The following ATP13A4 variants were observed in gnomAD, a reference collection of about 807,000 sequenced individuals.
ATP13A4 encodes probable cation-transporting ATPase 13A4.
Under a neutral mutation model 142.5 loss-of-function variants are expected in ATP13A4, and 114 were observed. That is an observed-to-expected ratio of 0.80 (90% CI 0.69 to 0.93). The LOEUF (loss-of-function observed/expected upper bound fraction) is 0.93. Ranked by LOEUF, ATP13A4 falls within the 40% of genes least tolerant of loss-of-function variation. ATP13A4 has a pLI of 0.00. For synonymous variants in ATP13A4, 488 were observed against 514.8 expected, an observed-to-expected ratio of 0.95 and a Z score of 0.70; for missense variants, 1,392 against 1,454.0, an observed-to-expected ratio of 0.96 and a Z score of 0.69.
At chr3:193,581,249 A>G (rs948666727) in intron 2 of ATP13A4, among the ~76,000 whole-genome samples, 1 of 152,224 alleles carries the variant, frequency 6.6e-6, no homozygotes, top group African/African-American at 2.4e-5. Context: ...GTTATTCACA[A>G]TGTAAAACCA....
At chr3:193,550,961 G>A (rs1250124274) in intron 1 of ATP13A4, among the ~76,000 whole-genome samples, 1 of 152,104 alleles carries the variant, frequency 6.6e-6, no homozygotes, top group African/African-American at 2.4e-5. Flanking sequence ...AAAACGTCAG[G>A]ACTCAAAGAG....
intron 2 of ATP13A4, among the ~76,000 whole-genome samples, chr3:193,574,934 C>G (rs1724361655): frequency 6.6e-6 from 1 of 152,138 alleles, no homozygotes; most frequent in South Asian, 2.1e-4. Flanking sequence ...AATCTGGAAG[C>G]CTCTGTGACT....
chr3:193,411,839 C>T lies in ATP13A4; in HGVS notation c.3208+339G>A, dbSNP rs548874707. The stretch of plus-strand genomic sequence containing the variant: ...GACAGGATCCACTTGAGTTCTGTTA[C>T]GCTTCTCTCCACTGTTTCCAGGGTG... On this transcript the variant is annotated intron_variant, in intron 27 of 29. Coordinates refer to ENST00000342695, the MANE Select transcript of ATP13A4 (RefSeq NM_032279.4). Among the ~76,000 whole-genome samples the T allele has an allele frequency of 1.1e-4, 16 of 152,320 alleles. No individual in the cohort carries two copies. The South Asian group carries it at 1.2e-3, about 12-fold the overall frequency.
At position 193,484,815 on chromosome 3, in the gene ATP13A4, C is replaced by G. The variant is rs527397379; in HGVS notation, c.739-810G>C. Among the ~76,000 whole-genome samples, 21 of 152,054 alleles carry G rather than the reference C, an allele frequency of 1.4e-4. No homozygotes were observed. In the South Asian group the frequency reaches 4.4e-3, roughly 32 times the overall value. On this transcript the variant is annotated intron_variant, in intron 7 of 29. Transcript: ENST00000342695. ...TTCTTAACACCAAGAAATTTACAGC[C>G]TGCTGAGAAAAGTAGGTTTTAATCA...
intron 1 of ATP13A4, among the ~76,000 whole-genome samples, chr3:193,539,464 T>C (rs1263079750): frequency 6.6e-6 from 1 of 152,228 alleles, no homozygotes; most frequent in African/African-American, 2.4e-5. Flanking sequence ...ACAAGAGGGT[T>C]TGAGACAGGA....
chr3:193,418,624 T>C (rs1466915473), intron 25 of ATP13A4, among the ~76,000 whole-genome samples: 1 of 149,466 alleles, frequency 6.7e-6, no homozygotes, highest in African/African-American at 2.5e-5. Flanking sequence ...GGGGAAAAGG[T>C]AAGCAAGAGG....
chr3:193,512,931 C>T (rs917960844), intron 2 of ATP13A4, among the ~76,000 whole-genome samples: 4 of 152,194 alleles, frequency 2.6e-5, no homozygotes, highest in Non-Finnish European at 2.9e-5. Context: ...AAGGATGACA[C>T]GAGGCATCAA....
chr3:193,508,667 T>C (rs912470155), intron 2 of ATP13A4, among the ~76,000 whole-genome samples: 1 of 151,978 alleles, frequency 6.6e-6, no homozygotes. Flanking sequence ...AGATTTGTGG[T>C]GAGATGTCTA....
At chr3:193,444,387 A>G (rs1003595951) in intron 18 of ATP13A4, among the ~76,000 whole-genome samples, 1 of 152,240 alleles carries the variant, frequency 6.6e-6, no homozygotes, top group Admixed American at 6.5e-5. Flanking sequence ...GATGAATGAA[A>G]ATTGAAGATA....
chr3:193,406,659 G>C (rs1248778899), intron 29 of ATP13A4, among the ~76,000 whole-genome samples: 1 of 152,210 alleles, frequency 6.6e-6, no homozygotes, highest in Non-Finnish European at 1.5e-5. Flanking sequence ...ATGGAAGCTG[G>C]AGAATGAAAG....
In ATP13A4 at chr3:193,465,139, G is replaced by A; in HGVS notation, c.1273-11C>T. ...CTCCTCTGGAGGTTCCTGGACGACA[G>A]TCATTCTTTAATTATTACAGACAAA... On this transcript the variant is annotated splice_polypyrimidine_tract_variant and intron_variant, in intron 11 of 29. Coordinates refer to ENST00000342695, the MANE Select transcript of ATP13A4 (RefSeq NM_032279.4). The A allele has an allele frequency of 6.2e-7, 1 of 1,613,016 alleles. No individual in the cohort carries two copies. Among genetic ancestry groups the A allele is most frequent in the Non-Finnish European group, 8.5e-7 (1 of 1,179,546 alleles).
At chr3:193,583,424 C>G (rs1310444186) in intron 1 of ATP13A4, among the ~76,000 whole-genome samples, 1 of 151,664 alleles carries the variant, frequency 6.6e-6, no homozygotes, top group African/African-American at 2.4e-5. Flanking sequence ...CAGACTCCAT[C>G]TCGAAAAACA....
intron 1 of ATP13A4, among the ~76,000 whole-genome samples, chr3:193,542,839 TAA>T (rs1365212418): frequency 6.6e-6 from 1 of 152,186 alleles, no homozygotes; most frequent in Admixed American, 6.5e-5. Flanking sequence ...CAATATGGAT[TAA>T]AGTCTTAAAT....
intron 25 of ATP13A4, among the ~76,000 whole-genome samples, chr3:193,431,637 T>C (rs1316210825): frequency 6.6e-6 from 1 of 151,600 alleles, no homozygotes; most frequent in Non-Finnish European, 1.5e-5. Flanking sequence ...GTTTACTATA[T>C]ATAAATATGC....
chr3:193,560,279 G>T (rs913110289), intron 2 of ATP13A4, among the ~76,000 whole-genome samples: 2 of 151,812 alleles, frequency 1.3e-5, no homozygotes, highest in Non-Finnish European at 2.9e-5. Flanking sequence ...TGCAATCATG[G>T]TTCACTGCAC....
chr3:193,465,765 T>C (rs1404684398), intron 11 of ATP13A4, among the ~76,000 whole-genome samples: 1 of 152,162 alleles, frequency 6.6e-6, no homozygotes, highest in African/African-American at 2.4e-5. Flanking sequence ...AAAAATGGTA[T>C]AAAGTGTGAG....
intron 9 of ATP13A4, among the ~76,000 whole-genome samples, chr3:193,468,898 T>C (rs1718458163): frequency 1.3e-5 from 2 of 152,240 alleles, no homozygotes; most frequent in Non-Finnish European, 2.9e-5. Flanking sequence ...ACACAGGGAT[T>C]ACAGGAGGAG....
rs147632581 is a variant in ATP13A4 at position 193,492,925 on chromosome 3, C to T, written c.525G>A (p.Gln175=). The T allele has an allele frequency of 8.3e-5, 134 of 1,605,958 alleles. 1 individual carries two copies. In the African/African-American group the frequency reaches 1.4e-3, roughly 17 times the overall value. The change falls in exon 5 of 30, where the codon CAG becomes CAA. Residue 175 remains glutamine (Q), a synonymous_variant. Coordinates refer to ENST00000342695, the MANE Select transcript of ATP13A4 (RefSeq NM_032279.4). ...AATAATATGCATGGTACCTAATCTC[C>T]TGTTCTTCTCTTGTCAAGCCTGATC... ...KFGSGLTREE[Q]EIRRLICGPN...
In ATP13A4 at chr3:193,567,337, T is replaced by G. The variant is rs371068760; in HGVS notation, n.291+14370A>C. Among the ~76,000 whole-genome samples the G allele has an allele frequency of 6.8e-4, 103 of 152,328 alleles. 1 individual carries two copies. The highest frequency in any genetic ancestry group is 3.9e-3 in the East Asian group (20 of 5,190). On this transcript the variant is annotated intron_variant and non_coding_transcript_variant, in intron 2 of 3. Coordinates refer to the ATP13A4 transcript ENST00000489140. ...GGGAGAATTCTTTACTTTATTCCCC[T>G]GTCTCTGTCATTCAGTTTTCCACAA...
Sources: allele counts gnomAD v4.1 joint callset (sites outside exome capture counted in the v4.1 genomes callset), GRCh38; gene constraint gnomAD v4.1.1; transcripts MANE v1.5; gene names NCBI Gene and HGNC (gene_info 2026-07-23, HGNC 2026-07-21).